The following MKRN2 variants were observed in gnomAD, a reference collection of about 807,000 sequenced individuals.
MKRN2 encodes the protein makorin ring finger protein 2, also known as E3 ubiquitin-protein ligase makorin-2.
MKRN2 carries 32 observed loss-of-function variants against 45.4 expected under a neutral mutation model. The observed-to-expected ratio is 0.70, with a 90% CI of 0.53 to 0.95. The LOEUF (loss-of-function observed/expected upper bound fraction) is 0.95, where lower values mean the gene tolerates loss of function less well. MKRN2 is among the 40% of genes least tolerant of loss of function. MKRN2 has a pLI of 0.00. For missense variants in MKRN2, 526 were observed against 536.7 expected (o/e 0.98, Z 0.20); for synonymous variants, 206 against 192.4 (o/e 1.07, Z -0.59).
chr3:12,563,146 T>TTAAGTCATG (rs756598906), intron 1 of MKRN2, among the ~76,000 whole-genome samples: 1 of 152,208 alleles, frequency 6.6e-6, no homozygotes, highest in Non-Finnish European at 1.5e-5. Context: ...GTATAGTCAC[T>TTAAGTCATG]TAAGTCATGA....
chr3:12,576,491 A>G, intron 5 of MKRN2, 140 bp from the exon 6 acceptor site: 1 of 568,220 alleles, frequency 1.8e-6, no homozygotes, highest in East Asian at 3.2e-5. Flanking sequence ...AGGTTCTTGG[A>G]TGATTGTGAT....
At chr3:12,573,762 G>A (rs917548206) in intron 4 of MKRN2, among the ~76,000 whole-genome samples, 14 of 151,952 alleles carry the variant, frequency 9.2e-5, no homozygotes, top group Admixed American at 6.6e-4. Flanking sequence ...GTGTGGTGGC[G>A]GGCGCCTGTA....
chr3:12,581,970 C>A lies in MKRN2; in HGVS notation c.1113+18C>A. 6.2e-7 allele frequency: 1 copy of A among 1,612,714 alleles called. No homozygotes were observed. The highest frequency in any genetic ancestry group is 1.1e-5 in the South Asian group (1 of 91,066). On this transcript the variant is annotated intron_variant, in intron 7 of 7. Coordinates refer to ENST00000170447, the MANE Select transcript of MKRN2 (RefSeq NM_014160.5). Reference sequence around the variant, plus strand: ...CTGTGAGGGTAAGGACTTTAGCCATCTCTAGTTGGGGACACTTAGCAGCTG... The same window carrying A: ...CTGTGAGGGTAAGGACTTTAGCCATATCTAGTTGGGGACACTTAGCAGCTG...
At chr3:12,582,051 C>G (rs2058184278) in intron 7 of MKRN2, 65 bp from the exon 8 acceptor site, 4 of 1,609,998 alleles carry the variant, frequency 2.5e-6, no homozygotes, top group Non-Finnish European at 3.4e-6. Flanking sequence ...AAAGAACGAT[C>G]AAGGAACGCA....
At position 12,582,138 on chromosome 3, in the gene MKRN2, G is replaced by T. The variant is rs776746748; in HGVS notation, c.1136G>T (p.Trp379Leu). 3 of 1,614,166 alleles carry T rather than the reference G, an allele frequency of 1.9e-6. No individual in the cohort carries two copies. Among genetic ancestry groups the T allele is most frequent in the Non-Finnish European group, 2.5e-6 (3 of 1,180,044 alleles). ...CAGTTCTTTAATTCAGTGCGGCTCT[G>T]GGATTTCATCGAGAACCGAGAAAGC... ...TVRFFNSVRL[W>L]DFIENRESRH... The change falls in exon 8 of 8, where the codon TGG becomes TTG. Residue 379 changes from tryptophan (W) to leucine (L), a missense_variant. Coordinates refer to ENST00000170447, the MANE Select transcript of MKRN2 (RefSeq NM_014160.5).
chr3:12,583,535 G>A lies in MKRN2; in HGVS notation c.*1282G>A, dbSNP rs908147876. ...GTTCTTGAATTCTGCTCCTGAAGAGGGTGAACAAATGGGGCATTCAAGTTG... is the reference window on the plus strand; with the variant it reads ...GTTCTTGAATTCTGCTCCTGAAGAGAGTGAACAAATGGGGCATTCAAGTTG... On this transcript the variant is annotated 3_prime_UTR_variant, in exon 8 of 8. Transcript: ENST00000170447. 1 of 211,798 alleles carries A rather than the reference G, an allele frequency of 4.7e-6. No homozygotes were observed. Among genetic ancestry groups the A allele is most frequent in the African/African-American group, 2.3e-5 (1 of 44,072 alleles). 13.1% of individuals were successfully genotyped at this position (211,798 alleles called of 1,614,324 possible). A position where few individuals can be genotyped will look rare whatever the true frequency, so the allele number is the denominator to read the frequency against.
At position 12,574,755 on chromosome 3, in the gene MKRN2, C is replaced by T. The variant is rs767205484; in HGVS notation, c.643-37C>T. Reference sequence around the variant, plus strand: ...TAGGGCTCCTGCCACTCCTCAGTGGCCCACAACCAAAGCCTTCCTTCCTGT... The same window carrying T: ...TAGGGCTCCTGCCACTCCTCAGTGGTCCACAACCAAAGCCTTCCTTCCTGT... On this transcript the variant is annotated intron_variant, in intron 4 of 7. Coordinates refer to ENST00000170447, the MANE Select transcript of MKRN2 (RefSeq NM_014160.5). 7.0e-6 allele frequency: 11 copies of T among 1,579,858 alleles called. No homozygotes were observed. The Admixed American group carries it at 1.7e-4, about 24-fold the overall frequency.
intron 2 of MKRN2, 107 bp from the exon 3 acceptor site, chr3:12,569,964 C>T: frequency 9.0e-7 from 1 of 1,108,788 alleles, no homozygotes; most frequent in South Asian, 1.8e-5. Flanking sequence ...TGGCCGCCTT[C>T]TTCACCTCAA....
chr3:12,563,251 A>G (rs1203796817), intron 1 of MKRN2, among the ~76,000 whole-genome samples: 1 of 152,210 alleles, frequency 6.6e-6, no homozygotes, highest in Admixed American at 6.5e-5. Flanking sequence ...ACTGACTTAT[A>G]TACTAGAATA....
chr3:12,573,362 C>G (rs1015977976), intron 4 of MKRN2, among the ~76,000 whole-genome samples: 1 of 126,630 alleles, frequency 7.9e-6, no homozygotes, highest in East Asian at 2.2e-4. Context: ...CCCGTCTCTA[C>G]AAAAAAAAAA....
At chr3:12,573,892 C>CAA (rs111511375) in intron 4 of MKRN2, among the ~76,000 whole-genome samples, 6 of 122,220 alleles carry the variant, frequency 4.9e-5, no homozygotes, top group Admixed American at 8.5e-5. Context: ...GACTCTGTCT[C>CAA]AAAAAAAAAA....
chr3:12,581,117 G>A (rs1394581046), intron 6 of MKRN2, among the ~76,000 whole-genome samples: 1 of 152,138 alleles, frequency 6.6e-6, no homozygotes, highest in Non-Finnish European at 1.5e-5. Context: ...TCTTAACATA[G>A]AGGTCTGTGG....
chr3:12,575,315 A>G (rs893380069), intron 5 of MKRN2, among the ~76,000 whole-genome samples: 1 of 152,218 alleles, frequency 6.6e-6, no homozygotes, highest in Admixed American at 6.5e-5. Flanking sequence ...GAAATCCAGT[A>G]GTACCTGCCT....
At position 12,583,632 on chromosome 3, in the gene MKRN2, TAA is replaced by T. The variant is rs2058210020; in HGVS notation, c.*1380_*1381del. The T allele has an allele frequency of 3.4e-5, 8 of 232,528 alleles. No individual in the cohort carries two copies. The Admixed American group carries it at 3.9e-4, about 11-fold the overall frequency. The allele number at this position is 232,528 out of a possible 1,614,324, so 14.4% of individuals were successfully genotyped here. A position where few individuals can be genotyped will look rare whatever the true frequency, so the allele number is the denominator to read the frequency against. On this transcript the variant is annotated 3_prime_UTR_variant, in exon 8 of 8. Transcript: ENST00000170447. Reference sequence around the variant, plus strand: ...CTAAATTTAATTTATTTTATTAAAATAACATAATTGAGGGACCATCAGATAAC... The same window carrying T: ...CTAAATTTAATTTATTTTATTAAAATCATAATTGAGGGACCATCAGATAAC...
chr3:12,570,109 C>T lies in MKRN2; in HGVS notation c.194C>T (p.Ala65Val). 6.2e-7 allele frequency: 1 copy of T among 1,613,784 alleles called. No homozygotes were observed. The highest frequency in any genetic ancestry group is 1.7e-4 in the Middle Eastern group (1 of 6,054). ...HTRPSAAAGG[A>V]VGTMAHSVPS... Reference sequence around the variant, plus strand: ...AGGCCCTCTGCTGCAGCTGGAGGTGCTGTGGGCACCATGGCCCACAGTGTG... The same window carrying T: ...AGGCCCTCTGCTGCAGCTGGAGGTGTTGTGGGCACCATGGCCCACAGTGTG... Residue 65 changes from alanine to valine, a missense_variant, in exon 3 of 8, where the codon GCT (alanine) becomes GTT (valine). Physicochemically the swap from Ala to Val is moderately conservative, Grantham distance 64 (BLOSUM62 0). Coordinates refer to ENST00000170447, the MANE Select transcript of MKRN2 (RefSeq NM_014160.5).
Position 12,572,079 on chromosome 3 carries a change from C to T in MKRN2, c.348C>T (p.Gly116=). 2.5e-6 allele frequency: 4 copies of T among 1,605,570 alleles called. No homozygotes were observed. The highest frequency in any genetic ancestry group is 3.4e-6 in the Non-Finnish European group (4 of 1,175,056). The change falls in exon 4 of 8, where the codon GGC becomes GGT. Residue 116 remains glycine (G), a synonymous_variant. Coordinates refer to ENST00000170447, the MANE Select transcript of MKRN2 (RefSeq NM_014160.5). ...TLVLRDRNLS[G]MAERKTQPSM... ...GTGTGTTGTTTTCAGATCTCTCTGG[C>T]ATGGCTGAAAGGAAGACCCAGCCGA... is the stretch of plus-strand genomic sequence containing the variant.
intron 1 of MKRN2, among the ~76,000 whole-genome samples, chr3:12,561,272 G>A (rs1413535329): frequency 6.6e-6 from 1 of 152,188 alleles, no homozygotes; most frequent in Non-Finnish European, 1.5e-5. Flanking sequence ...GTATTTTAGT[G>A]GAAGAGATAA....
At chr3:12,573,989 A>G (rs917683864) in intron 4 of MKRN2, among the ~76,000 whole-genome samples, 2 of 151,896 alleles carry the variant, frequency 1.3e-5, no homozygotes, top group African/African-American at 4.8e-5. Flanking sequence ...TCCTCTTACC[A>G]TGGCCTCCCA....
In MKRN2 at chr3:12,570,205, A is replaced by G. The variant is rs371007781; in HGVS notation, c.290A>G (p.His97Arg). ...VTASIVKTNS[H>R]EPGKREKRTL... ...GCATCCATTGTGAAAACTAACTCACATGAACCCGGAAAGCGTGAAAAGAGA... is the reference window on the plus strand; with the variant it reads ...GCATCCATTGTGAAAACTAACTCACGTGAACCCGGAAAGCGTGAAAAGAGA... The change falls in exon 3 of 8, where the codon CAT (histidine) becomes CGT (arginine). Residue 97 changes from histidine (H) to arginine (R), a missense_variant. Physicochemically the swap from His to Arg is conservative, Grantham distance 29. Coordinates refer to ENST00000170447, the MANE Select transcript of MKRN2 (RefSeq NM_014160.5). The G allele has an allele frequency of 8.1e-6, 13 of 1,614,090 alleles. No individual in the cohort carries two copies. The highest frequency in any genetic ancestry group is 1.7e-5 in the Admixed American group (1 of 59,998).
Sources: gnomAD v4.1 joint callset for allele counts (sites outside exome capture counted in the v4.1 genomes callset) on GRCh38, gnomAD v4.1.1 for gene constraint, MANE v1.5 for transcripts, NCBI Gene and HGNC (gene_info 2026-07-23, HGNC 2026-07-21) for gene names.